The following SGK1 variants were observed in gnomAD, a reference collection of about 807,000 sequenced individuals.
SGK1 encodes the protein serine/threonine-protein kinase Sgk1.
SGK1 carries 26 observed loss-of-function variants against 64.2 expected under a neutral mutation model. The ratio of observed to expected loss-of-function variants is 0.40; its 90% CI spans 0.30 to 0.56. The LOEUF (loss-of-function observed/expected upper bound fraction) is 0.56, where lower values mean the gene tolerates loss of function less well. Ranked by LOEUF, SGK1 falls within the 20% of genes least tolerant of loss-of-function variation. The probability of loss-of-function intolerance (pLI) is 0.38; values close to 1 mark genes in which losing one functional copy is unlikely to be tolerated. For synonymous variants in SGK1, 265 were observed against 239.7 expected, an observed-to-expected ratio of 1.11 and a Z score of -0.98; for missense variants, 519 against 645.6, an observed-to-expected ratio of 0.80 and a Z score of 2.12.
At chr6:134,213,989 T>C (rs1775935692) in intron 2 of SGK1, among the ~76,000 whole-genome samples, 1 of 152,222 alleles carries the variant, frequency 6.6e-6, no homozygotes. Flanking sequence ...TATCAATATT[T>C]TGCTAATCTT....
Position 134,185,828 on chromosome 6 carries a change from G to A in SGK1, c.362-11242C>T, listed in dbSNP as rs919138991. On this transcript the variant is annotated intron_variant, in intron 3 of 13. Transcript: ENST00000367858. ...GGGGGCTGCTGGTGTAAGTCCTAGC[G>A]TCCAAAGGCCAAAGGCTGGAGAACC... Among the ~76,000 whole-genome samples, 6 of 152,070 alleles carry A rather than the reference G, an allele frequency of 3.9e-5. No homozygotes were observed. The South Asian group carries it at 8.3e-4, about 21-fold the overall frequency.
chr6:134,225,257 A>G (rs1465132240), intron 2 of SGK1, among the ~76,000 whole-genome samples: 1 of 150,054 alleles, frequency 6.7e-6, no homozygotes, highest in African/African-American at 2.5e-5. Flanking sequence ...AGGCTGAGGC[A>G]GGAGAATCAC....
At chr6:134,291,360 T>C (rs932701337) in intron 1 of SGK1, among the ~76,000 whole-genome samples, 1 of 151,880 alleles carries the variant, frequency 6.6e-6, no homozygotes, top group African/African-American at 2.4e-5. Context: ...CAAAATGGAG[T>C]CACCTATGCT....
intron 2 of SGK1, among the ~76,000 whole-genome samples, chr6:134,208,799 T>C (rs894737203): frequency 7.9e-5 from 12 of 151,210 alleles, no homozygotes; most frequent in Admixed American, 1.3e-4. Flanking sequence ...CACACACACA[T>C]ACATATACAC....
rs1462390681 is a variant in SGK1 at position 134,173,528 on chromosome 6, G to C, written c.552C>G (p.Ser184=). Residue 184 remains serine (S), a synonymous_variant, in exon 6 of 14, where the codon TCC becomes TCG. Transcript: ENST00000367858. The part of the protein sequence containing the change: ...PSQQINLGPS[S]NPHAKPSDFH... ...AGTCAGATGGTTTAGCATGAGGATT[G>C]GACGACGGGCCAAGGTTGATTTGCT... 2 of 1,612,402 alleles carry C rather than the reference G, an allele frequency of 1.2e-6. No homozygotes were observed. Among genetic ancestry groups the C allele is most frequent in the Non-Finnish European group, 1.7e-6 (2 of 1,179,652 alleles).
At chr6:134,181,438 T>C (rs900303494) in intron 3 of SGK1, among the ~76,000 whole-genome samples, 1 of 152,006 alleles carries the variant, frequency 6.6e-6, no homozygotes. Context: ...TCTGCTTCCC[T>C]GGTTCAAGCA....
chr6:134,305,508 G>C (rs557223281), intron 1 of SGK1, among the ~76,000 whole-genome samples: 2 of 150,002 alleles, frequency 1.3e-5, no homozygotes, highest in East Asian at 4.0e-4. Flanking sequence ...AGGAAGCAGA[G>C]ATTGCAGTGA....
intron 1 of SGK1, among the ~76,000 whole-genome samples, chr6:134,303,578 T>C (rs1777491162): frequency 6.6e-6 from 1 of 151,932 alleles, no homozygotes; most frequent in Non-Finnish European, 1.5e-5. Context: ...ATAAATTCAG[T>C]ACAGTTGGAT....
chr6:134,277,189 G>T (rs566225315), intron 1 of SGK1, among the ~76,000 whole-genome samples: 2 of 152,272 alleles, frequency 1.3e-5, no homozygotes, highest in South Asian at 4.2e-4. Flanking sequence ...TGGTGTGGTA[G>T]TGGGTGCCTT....
intron 2 of SGK1, among the ~76,000 whole-genome samples, chr6:134,245,970 C>T (rs1050805473): frequency 1.3e-5 from 2 of 152,148 alleles, no homozygotes; most frequent in African/African-American, 4.8e-5. Flanking sequence ...ATCTCTACTT[C>T]CTTTTTTACT....
intron 2 of SGK1, among the ~76,000 whole-genome samples, chr6:134,230,242 T>C (rs1391914775): frequency 1.3e-5 from 2 of 152,174 alleles, no homozygotes; most frequent in Admixed American, 6.6e-5. Context: ...ATTCCAGCAT[T>C]TTGGGAGGCT....
intron 2 of SGK1, among the ~76,000 whole-genome samples, chr6:134,222,608 T>C (rs1199439471): frequency 6.6e-6 from 1 of 152,196 alleles, no homozygotes; most frequent in African/African-American, 2.4e-5. Context: ...AGTGCTGGGA[T>C]TACAGGCGTG....
At chr6:134,310,978 C>T (rs1410778076) in intron 1 of SGK1, among the ~76,000 whole-genome samples, 1 of 152,148 alleles carries the variant, frequency 6.6e-6, no homozygotes, top group African/African-American at 2.4e-5. Context: ...TTTGGCCTGA[C>T]AAGAAAAGTA....
chr6:134,194,521 T>C (rs1192500263), intron 3 of SGK1, among the ~76,000 whole-genome samples: 7 of 53,750 alleles, frequency 1.3e-4, no homozygotes, highest in African/African-American at 8.2e-4. Flanking sequence ...AAAGTTTTTC[T>C]TTTTTTTTTT....
intron 2 of SGK1, among the ~76,000 whole-genome samples, chr6:134,258,395 G>C (rs1030530691): frequency 2.6e-5 from 4 of 151,994 alleles, no homozygotes; most frequent in Non-Finnish European, 4.4e-5. Context: ...ATATTTTAAC[G>C]ATTAAAATAA....
intron 2 of SGK1, among the ~76,000 whole-genome samples, chr6:134,227,356 A>T (rs1776200798): frequency 6.6e-6 from 1 of 152,070 alleles, no homozygotes; most frequent in Non-Finnish European, 1.5e-5. Context: ...GCTAGTCTTG[A>T]ACTCCTGACC....
chr6:134,171,382 A>C, intron 11 of SGK1: 3 of 619,358 alleles, frequency 4.8e-6, no homozygotes, highest in East Asian at 2.7e-5. Context: ...GTGGAGGGTG[A>C]GGGGGTAGAT....
intron 1 of SGK1, among the ~76,000 whole-genome samples, chr6:134,273,742 A>T (rs2114762417): frequency 6.6e-6 from 1 of 152,164 alleles, no homozygotes; most frequent in Middle Eastern, 3.4e-3. Flanking sequence ...AAGCTCCAAA[A>T]AGGAGAGGCA....
intron 1 of SGK1, among the ~76,000 whole-genome samples, chr6:134,306,340 T>C (rs1042817818): frequency 6.6e-6 from 1 of 151,930 alleles, no homozygotes; most frequent in African/African-American, 2.4e-5. Flanking sequence ...GAAGAATTGC[T>C]TGAACCCGGG....
Sources: allele counts gnomAD v4.1 joint callset (sites outside exome capture counted in the v4.1 genomes callset), GRCh38; gene constraint gnomAD v4.1.1; transcripts MANE v1.5; gene names NCBI Gene and HGNC (gene_info 2026-07-23, HGNC 2026-07-21).